SLC36A1: variants seen among roughly 807,000 people sequenced by gnomAD.
The protein encoded by SLC36A1 is proton-coupled amino acid transporter 1.
SLC36A1 carries 30 observed loss-of-function variants against 47.5 expected under a neutral mutation model. That is an observed-to-expected ratio of 0.63 (90% CI 0.47 to 0.86). The LOEUF is 0.86. SLC36A1 is among the 40% of genes least tolerant of loss of function. The pLI is 0.00. For synonymous variants in SLC36A1, 255 were observed against 249.7 expected, an observed-to-expected ratio of 1.02 and a Z score of -0.20; for missense variants, 517 against 606.0, an observed-to-expected ratio of 0.85 and a Z score of 1.54.
the SLC36A1 span, chr5:151,526,070 C>T: frequency 9.2e-7 from 1 of 1,086,136 alleles, no homozygotes; most frequent in Admixed American, 2.0e-5. Context: ...AGCACTCTGA[C>T]TGCTTGTAGA....
the SLC36A1 span, chr5:151,512,284 C>T: frequency 3.1e-6 from 5 of 1,614,216 alleles, no homozygotes; most frequent in South Asian, 1.1e-5. This position sits in a 1 kb window ranked among gnomAD's most constrained non-coding sequence, Gnocchi z 4.1. Context: ...CACCGTCTTG[C>T]CAGGGGCCAG....
At chr5:151,424,955 C>A in the SLC36A1 span, among the ~76,000 whole-genome samples, 1 of 151,972 alleles carries the variant, frequency 6.6e-6, no homozygotes, top group African/African-American at 2.4e-5. Context: ...GAGTTGTACA[C>A]TAAAAATGAA....
At chr5:151,496,287 G>A (rs187894297), downstream of SLC36A1, among the ~76,000 whole-genome samples, 8 of 152,284 alleles carry the variant, frequency 5.3e-5, no homozygotes, top group East Asian at 1.5e-3. Context: ...CTTCCGCCGC[G>A]ATTGTGAGGC....
the SLC36A1 span, among the ~76,000 whole-genome samples, chr5:151,425,133 A>C: frequency 6.6e-6 from 1 of 152,126 alleles, no homozygotes; most frequent in South Asian, 2.1e-4. Flanking sequence ...GTTAATGGGG[A>C]CTCCTGAGAG....
intron 9 of SLC36A1, among the ~76,000 whole-genome samples, chr5:151,478,419 A>G (rs1389222278): frequency 6.6e-6 from 1 of 152,190 alleles, no homozygotes; most frequent in Non-Finnish European, 1.5e-5. Flanking sequence ...GTGGTGAGTT[A>G]CGTCATTTTT....
At chr5:151,521,489 T>C in the SLC36A1 span, 1 of 1,614,230 alleles carries the variant, frequency 6.2e-7, no homozygotes, top group Non-Finnish European at 8.5e-7. Context: ...TGAGTGATGA[T>C]GGATGCTAGC....
chr5:151,462,099 T>C (rs750267442), intron 2 of SLC36A1, among the ~76,000 whole-genome samples: 1 of 152,100 alleles, frequency 6.6e-6, no homozygotes, highest in Non-Finnish European at 1.5e-5. Context: ...AATACATATC[T>C]GTTGCCCAGA....
At chr5:151,348,857 G>A in the SLC36A1 span, among the ~76,000 whole-genome samples, 1 of 152,118 alleles carries the variant, frequency 6.6e-6, no homozygotes, top group South Asian at 2.1e-4. Context: ...TTTGTTTTTT[G>A]TTTTGTTTGT....
At chr5:151,394,122 A>C in the SLC36A1 span, among the ~76,000 whole-genome samples, 1 of 151,974 alleles carries the variant, frequency 6.6e-6, no homozygotes, top group Admixed American at 6.5e-5. Flanking sequence ...TTTTTTCTCT[A>C]AACTTCTCTT....
chr5:151,376,052 G>C, the SLC36A1 span, among the ~76,000 whole-genome samples: 1 of 152,104 alleles, frequency 6.6e-6, no homozygotes, highest in Non-Finnish European at 1.5e-5. Flanking sequence ...TGGTGAGAGT[G>C]GGCATTCTTG....
chr5:151,532,057 TG>T, the SLC36A1 span: 2 of 1,526,848 alleles, frequency 1.3e-6, no homozygotes, highest in Non-Finnish European at 1.8e-6. Flanking sequence ...CAGGAGGGGC[TG>T]GGGAGGGGCT....
At chr5:151,433,743 C>T (rs747565157), upstream of SLC36A1, among the ~76,000 whole-genome samples, 7 of 152,142 alleles carry the variant, frequency 4.6e-5, no homozygotes, top group Non-Finnish European at 1.0e-4. Flanking sequence ...CGGGTATTTG[C>T]TCAACCCAGT....
intron 6 of SLC36A1, 38 bp downstream of exon 6, chr5:151,467,321 C>CAA: frequency 1.3e-6 from 1 of 770,700 alleles, no homozygotes; most frequent in Non-Finnish European, 1.9e-6. Flanking sequence ...AAAAAAAAAA[C>CAA]CAGAGCGAGA....
chr5:151,538,094 CAGAG>C, the SLC36A1 span: 3,362 of 590,830 alleles, frequency 5.7e-3, 28 homozygotes, highest in Middle Eastern at 0.033. Flanking sequence ...AGAACAGAGA[CAGAG>C]AGAGAGAAAG....
chr5:151,523,986 A>G, the SLC36A1 span, among the ~76,000 whole-genome samples: 2 of 152,076 alleles, frequency 1.3e-5, no homozygotes, highest in East Asian at 3.9e-4. Flanking sequence ...ACCAACTCCT[A>G]TCAATTTACA....
the SLC36A1 span, among the ~76,000 whole-genome samples, chr5:151,389,301 C>T: frequency 2.6e-5 from 4 of 152,170 alleles, no homozygotes; most frequent in African/African-American, 9.7e-5. Context: ...CTCTTTCCCT[C>T]CCTTTGTAAT....
At chr5:151,384,991 T>TGGGG in the SLC36A1 span, among the ~76,000 whole-genome samples, 2 of 139,064 alleles carry the variant, frequency 1.4e-5, no homozygotes, top group African/African-American at 6.2e-5. Context: ...TGTGTGGGTG[T>TGGGG]GTGAGAGAGA....
chr5:151,553,430 G>T, the SLC36A1 span: 1 of 1,576,234 alleles, frequency 6.3e-7, no homozygotes, highest in Non-Finnish European at 8.7e-7. Flanking sequence ...GGGGCCAAGA[G>T]ACAGGAAGAC....
At chr5:151,506,852 G>C in the SLC36A1 span, among the ~76,000 whole-genome samples, 7 of 152,266 alleles carry the variant, frequency 4.6e-5, no homozygotes, top group African/African-American at 1.7e-4. Context: ...CAAATGTGCA[G>C]AAGCCCCCTT....
Sources: allele counts gnomAD v4.1 joint callset (sites outside exome capture counted in the v4.1 genomes callset), GRCh38; gene constraint gnomAD v4.1.1; non-coding constraint Gnocchi (gnomAD v3.1); transcripts MANE v1.5; gene names NCBI Gene and HGNC (gene_info 2026-07-23, HGNC 2026-07-21).